Variants in NPAS3 observed in about 807,000 individuals in gnomAD.
NPAS3 encodes the protein neuronal PAS domain-containing protein 3.
A neutral mutation model predicts 73.1 loss-of-function variants in NPAS3; 14 were observed. The ratio of observed to expected loss-of-function variants is 0.19; its 90% CI spans 0.13 to 0.30. NPAS3 has a LOEUF of 0.30. Among genes scored for constraint, NPAS3 ranks in the 10% least tolerant of loss-of-function variants. The pLI is 1.00. For synonymous variants in NPAS3, 620 were observed against 541.5 expected (o/e 1.14, Z -2.01); for missense variants, 1,096 against 1,250.0 (o/e 0.88, Z 1.86).
chr14:33,002,220 A>G (rs903847436), intron 1 of NPAS3, among the ~76,000 whole-genome samples: 4 of 152,194 alleles, frequency 2.6e-5, no homozygotes, highest in Non-Finnish European at 5.9e-5. Flanking sequence ...AAGATCCATA[A>G]GAGCAGGGAC....
chr14:33,503,616 T>C (rs2052619856), intron 4 of NPAS3, among the ~76,000 whole-genome samples: 2 of 151,920 alleles, frequency 1.3e-5, no homozygotes, highest in Non-Finnish European at 2.9e-5. Flanking sequence ...CAAAGCCTTA[T>C]ATTCTCATAT....
At chr14:33,517,197 T>C (rs1243682832) in intron 4 of NPAS3, among the ~76,000 whole-genome samples, 1 of 152,036 alleles carries the variant, frequency 6.6e-6, no homozygotes, top group Non-Finnish European at 1.5e-5. Context: ...AATCAGGTGA[T>C]TGTAGTTCGC....
Position 33,142,023 on chromosome 14 carries a change from CTT to C in NPAS3, c.141-73158_141-73157del, listed in dbSNP as rs1284291419. Among the ~76,000 whole-genome samples the C allele has an allele frequency of 9.9e-5, 15 of 152,138 alleles. No individual in the cohort carries two copies. The East Asian group carries it at 1.5e-3, about 16-fold the overall frequency. Reference sequence around the variant, plus strand: ...TTAAACAATTTATTTATTTTTATCACTTATTTCTTTTGCCATTCAATGGGCTC... The same window carrying C: ...TTAAACAATTTATTTATTTTTATCACATTTCTTTTGCCATTCAATGGGCTC... On this transcript the variant is annotated intron_variant, in intron 2 of 11. Transcript: ENST00000356141.
intron 2 of NPAS3, among the ~76,000 whole-genome samples, chr14:33,083,244 T>C (rs920137910): frequency 4.6e-5 from 6 of 130,804 alleles, no homozygotes; most frequent in Non-Finnish European, 9.6e-5. Flanking sequence ...CTCCACTCCA[T>C]GATAGCAGAG....
At chr14:33,075,869 G>C (rs1479089690) in intron 2 of NPAS3, among the ~76,000 whole-genome samples, 2 of 152,080 alleles carry the variant, frequency 1.3e-5, no homozygotes, top group African/African-American at 2.4e-5. Flanking sequence ...TTGTTCATTG[G>C]TAGGATTGGA....
At chr14:33,418,369 T>G (rs74042078) in intron 4 of NPAS3, among the ~76,000 whole-genome samples, 19,328 of 151,904 alleles carry the variant, frequency 0.13, 1,870 homozygotes, top group East Asian at 0.36. Flanking sequence ...TAATAGATAG[T>G]AGGGAAGCCT....
chr14:33,662,683 T>A (rs1030157427), intron 5 of NPAS3, among the ~76,000 whole-genome samples: 2 of 152,098 alleles, frequency 1.3e-5, no homozygotes, highest in African/African-American at 4.8e-5. Flanking sequence ...TACATTGTAT[T>A]CCTAGGTATT....
At chr14:33,751,108 C>T (rs139443535) in intron 7 of NPAS3, among the ~76,000 whole-genome samples, 3 of 152,102 alleles carry the variant, frequency 2.0e-5, no homozygotes, top group Middle Eastern at 3.2e-3. Flanking sequence ...AGAGTAGGAA[C>T]GTTCATGTGG....
chr14:33,362,613 C>T (rs2045653971), intron 3 of NPAS3, among the ~76,000 whole-genome samples: 1 of 152,130 alleles, frequency 6.6e-6, no homozygotes, highest in Non-Finnish European at 1.5e-5. Context: ...GCTCCCTTCC[C>T]CCAGGCTCAG....
chr14:33,045,702 T>A (rs1208918618), intron 1 of NPAS3, among the ~76,000 whole-genome samples: 1 of 152,212 alleles, frequency 6.6e-6, no homozygotes, highest in Non-Finnish European at 1.5e-5. Context: ...TAATTTGAGT[T>A]GATGGTATTT....
intron 4 of NPAS3, among the ~76,000 whole-genome samples, chr14:33,445,960 A>G (rs1212680017): frequency 1.3e-5 from 2 of 149,000 alleles, no homozygotes; most frequent in Non-Finnish European, 3.0e-5. Context: ...AGAAGATCCA[A>G]ATTTAACTGC....
rs563223176 is a variant in NPAS3 at position 33,220,318 on chromosome 14, T to G, written c.385+4892T>G. ...TGGGTACCCAGTGGAAACAGAACAA[T>G]TCAGAGGCTGAGCTGCCAGTGTTCG... On this transcript the variant is annotated intron_variant, in intron 3 of 11. Coordinates refer to ENST00000356141, the Ensembl canonical transcript of NPAS3. 4.6e-5 allele frequency among the ~76,000 whole-genome samples: 7 copies of G among 152,306 alleles called. No individual in the cohort carries two copies. The East Asian group carries it at 1.4e-3, about 29-fold the overall frequency.
At chr14:33,732,845 G>A (rs371576183) in intron 6 of NPAS3, among the ~76,000 whole-genome samples, 36 of 149,772 alleles carry the variant, frequency 2.4e-4, no homozygotes, top group Admixed American at 1.4e-3. Flanking sequence ...GCACGATGCC[G>A]TGATTGGCTC....
chr14:33,613,844 A>G (rs1337138463), intron 5 of NPAS3, among the ~76,000 whole-genome samples: 1 of 152,162 alleles, frequency 6.6e-6, no homozygotes, highest in African/African-American at 2.4e-5. Flanking sequence ...TATGAAGCTC[A>G]GTACTGCTTT....
chr14:33,739,978 C>T (rs1400160683), intron 7 of NPAS3, among the ~76,000 whole-genome samples: 1 of 152,110 alleles, frequency 6.6e-6, no homozygotes, highest in East Asian at 1.9e-4. Context: ...TTCATTTCCC[C>T]TAATGCATAT....
At chr14:33,482,065 T>TG (rs2051356568) in intron 4 of NPAS3, among the ~76,000 whole-genome samples, 1 of 151,772 alleles carries the variant, frequency 6.6e-6, no homozygotes, top group African/African-American at 2.4e-5. Context: ...TTTTTTTTTT[T>TG]TTTTTTAAGA....
At chr14:33,349,108 G>C (rs981353014) in intron 3 of NPAS3, among the ~76,000 whole-genome samples, 1 of 152,204 alleles carries the variant, frequency 6.6e-6, no homozygotes, top group Admixed American at 6.5e-5. Flanking sequence ...CTAGGAAAAT[G>C]AAATGTGGGG....
At chr14:33,069,370 G>A (rs1383963626) in intron 2 of NPAS3, among the ~76,000 whole-genome samples, 3 of 152,132 alleles carry the variant, frequency 2.0e-5, no homozygotes, top group Non-Finnish European at 4.4e-5. Context: ...AACATTGCAA[G>A]TTCCTTAGAG....
chr14:33,560,210 A>G (rs748510260), exon 5 of NPAS3: 1 of 864,210 alleles, frequency 1.2e-6, no homozygotes, highest in African/African-American at 1.6e-5. Flanking sequence ...GCCTCTCACA[A>G]GTAAGTAAAA....
Sources: allele counts gnomAD v4.1 joint callset (sites outside exome capture counted in the v4.1 genomes callset), GRCh38; gene constraint gnomAD v4.1.1; transcripts MANE v1.5; gene names NCBI Gene and HGNC (gene_info 2026-07-23, HGNC 2026-07-21).